Variants in CENPN observed in about 807,000 individuals in gnomAD.
The protein encoded by CENPN is centromere protein N, also known as interphase centromere complex protein 32.
A neutral mutation model predicts 48.6 loss-of-function variants in CENPN; 36 were observed. The observed-to-expected ratio is 0.74, with a 90% CI of 0.57 to 0.98. The LOEUF is 0.98. CENPN is among the 50% of genes least tolerant of loss of function. The pLI, the probability that CENPN is intolerant of heterozygous loss-of-function variation, is 0.00. For synonymous variants in CENPN, 166 were observed against 135.2 expected (o/e 1.23, Z -1.58); for missense variants, 439 against 399.2 (o/e 1.10, Z -0.85).
chr16:81,032,775 A>T, downstream of CENPN: 3 of 1,389,496 alleles, frequency 2.2e-6, no homozygotes, highest in Non-Finnish European at 3.0e-6. Flanking sequence ...ACTGCTATAG[A>T]CTAATGCAGG....
chr16:81,019,607 T>C (rs570172441), intron 5 of CENPN, among the ~76,000 whole-genome samples: 1 of 152,182 alleles, frequency 6.6e-6, no homozygotes, highest in Middle Eastern at 3.4e-3. Context: ...AACAAGTATC[T>C]CATTTGTAAG....
chr16:81,022,809 A>G, intron 7 of CENPN, 111 bp downstream of exon 7: 2 of 1,613,886 alleles, frequency 1.2e-6, no homozygotes, highest in African/African-American at 1.3e-5. Flanking sequence ...CATTTTAGAT[A>G]TTACCGAAAT....
chr16:81,010,502 C>A (rs1185104217), intron 1 of CENPN, among the ~76,000 whole-genome samples: 1 of 152,130 alleles, frequency 6.6e-6, no homozygotes, highest in East Asian at 1.9e-4. Context: ...CAGGCATGGG[C>A]AGGAGAAGTG....
intron 3 of CENPN, among the ~76,000 whole-genome samples, chr16:81,014,560 G>T (rs987387079): frequency 6.6e-6 from 1 of 152,094 alleles, no homozygotes; most frequent in African/African-American, 2.4e-5. Flanking sequence ...AGAGTCTAGA[G>T]TTCAGGAGAC....
chr16:81,032,553 TG>T (rs1970815431), downstream of CENPN: 4 of 1,555,876 alleles, frequency 2.6e-6, no homozygotes, highest in Non-Finnish European at 3.5e-6. Context: ...TGATTTTCAG[TG>T]TTTTTTTTTT....
chr16:81,014,041 T>C (rs1969843635), intron 2 of CENPN, 95 bp from the exon 3 acceptor site: 9 of 921,760 alleles, frequency 9.8e-6, no homozygotes, highest in Non-Finnish European at 1.6e-5. Flanking sequence ...GAGAATGTGC[T>C]AATAGTCTGT....
chr16:81,007,755 A>T (rs904551053), intron 1 of CENPN, among the ~76,000 whole-genome samples: 1 of 152,186 alleles, frequency 6.6e-6, no homozygotes, highest in African/African-American at 2.4e-5. Context: ...CATGCGTTCC[A>T]CAGATCTTGA....
downstream of CENPN, chr16:81,032,987 A>G: frequency 4.5e-6 from 1 of 224,406 alleles, no homozygotes; most frequent in Non-Finnish European, 8.7e-6. Context: ...TGATCAAAAA[A>G]GGAAAATGTG....
chr16:81,028,424 TG>T, intron 10 of CENPN, 127 bp downstream of exon 10: 7 of 1,478,098 alleles, frequency 4.7e-6, no homozygotes, highest in African/African-American at 4.2e-5. Context: ...TGCTCTCTCT[TG>T]CATCTTCTGC....
downstream of CENPN, chr16:81,032,834 G>C: frequency 1.0e-6 from 1 of 955,656 alleles, no homozygotes; most frequent in Non-Finnish European, 1.5e-6. Flanking sequence ...ACCAATCTTG[G>C]AAGCTTGGAT....
At position 81,012,128 on chromosome 16, in the gene CENPN, G is replaced by C. The variant is rs1969768061; in HGVS notation, c.171+18G>C. 11 of 1,611,472 alleles carry C rather than the reference G, an allele frequency of 6.8e-6. No homozygotes were observed. The highest frequency in any genetic ancestry group is 1.3e-5 in the African/African-American group (1 of 74,976). On this transcript the variant is annotated intron_variant, in intron 2 of 10. Coordinates refer to ENST00000305850, the MANE Select transcript of CENPN (RefSeq NM_001100624.3). ...TGTGTGAGGTAACAGTGTTAAAAATGATGAGCCTTGAACAGAGTGCTACCC... is the reference window on the plus strand; with the variant it reads ...TGTGTGAGGTAACAGTGTTAAAAATCATGAGCCTTGAACAGAGTGCTACCC...
intron 2 of CENPN, among the ~76,000 whole-genome samples, chr16:81,013,680 G>A (rs1243082030): frequency 1.3e-5 from 2 of 151,744 alleles, no homozygotes; most frequent in Admixed American, 6.6e-5. Context: ...AAGATTGCGC[G>A]TTTGCACTCC....
At chr16:81,016,025 A>G (rs1969917111) in intron 3 of CENPN, among the ~76,000 whole-genome samples, 1 of 151,988 alleles carries the variant, frequency 6.6e-6, no homozygotes, top group African/African-American at 2.4e-5. Flanking sequence ...GGAAAAAGAA[A>G]AGAAAACCTG....
At chr16:81,031,757 C>T (rs571035055), downstream of CENPN, among the ~76,000 whole-genome samples, 5 of 152,252 alleles carry the variant, frequency 3.3e-5, no homozygotes, top group African/African-American at 1.2e-4. Flanking sequence ...CACGTGCCAC[C>T]ATGCCCAGCT....
chr16:81,032,459 C>A (rs1970811808), downstream of CENPN: 2 of 1,110,472 alleles, frequency 1.8e-6, no homozygotes, highest in East Asian at 2.6e-5. Flanking sequence ...GTTGGGGAAT[C>A]ATCACTCTGA....
intron 1 of CENPN, among the ~76,000 whole-genome samples, chr16:81,009,465 G>A (rs1409318112): frequency 6.6e-6 from 1 of 152,128 alleles, no homozygotes; most frequent in Non-Finnish European, 1.5e-5. Context: ...CAGGGGCCAC[G>A]CAACACGGGG....
intron 8 of CENPN, 54 bp downstream of exon 8, chr16:81,024,832 G>C: frequency 8.5e-7 from 1 of 1,174,680 alleles, no homozygotes; most frequent in Non-Finnish European, 1.2e-6. Flanking sequence ...TTCCCTTATA[G>C]ATTTCTTTCA....
In CENPN at chr16:81,017,293, A is replaced by G. The variant is rs761093434; in HGVS notation, c.218-33A>G. The G allele has an allele frequency of 6.3e-6, 9 of 1,428,362 alleles. No individual in the cohort carries two copies. The South Asian group carries it at 1.0e-4, about 17-fold the overall frequency. 88.5% of individuals were successfully genotyped at this position (1,428,362 alleles called of 1,614,324 possible). Reference sequence around the variant, plus strand: ...GCATATTACTTCAAAGTTCTATGATATGCTAGTAATAAAGCTTTCTTCCCT... The same window carrying G: ...GCATATTACTTCAAAGTTCTATGATGTGCTAGTAATAAAGCTTTCTTCCCT... On this transcript the variant is annotated intron_variant, in intron 3 of 10. Coordinates refer to ENST00000305850, the MANE Select transcript of CENPN (RefSeq NM_001100624.3).
intron 8 of CENPN, among the ~76,000 whole-genome samples, chr16:81,025,389 A>T (rs2151706329): frequency 6.6e-6 from 1 of 152,380 alleles, no homozygotes; most frequent in South Asian, 2.1e-4. Context: ...TTCATAAAAA[A>T]ATGAAAACTT....
Sources: allele counts gnomAD v4.1 joint callset (sites outside exome capture counted in the v4.1 genomes callset), GRCh38; gene constraint gnomAD v4.1.1; transcripts MANE v1.5; gene names NCBI Gene and HGNC (gene_info 2026-07-23, HGNC 2026-07-21).